The following STK36 variants were observed in gnomAD, a reference collection of about 807,000 sequenced individuals.
STK36 encodes serine/threonine kinase 36.
A neutral mutation model predicts 142.2 loss-of-function variants in STK36; 116 were observed. The ratio of observed to expected loss-of-function variants is 0.82; its 90% confidence interval spans 0.70 to 0.95. The LOEUF is 0.95. STK36 is among the 40% of genes least tolerant of loss of function. The probability of loss-of-function intolerance (pLI) is 0.00; values close to 1 mark genes in which losing one functional copy is unlikely to be tolerated. For synonymous variants in STK36, 619 were observed against 641.7 expected (o/e 0.96, Z 0.53); for missense variants, 1,422 against 1,617.2 (o/e 0.88, Z 2.07).
chr2:218,675,605 A>T, intron 5 of STK36, 132 bp downstream of exon 5: 2 of 1,108,188 alleles, frequency 1.8e-6, no homozygotes, highest in Admixed American at 2.8e-5. Context: ...ACTCACCACA[A>T]CCTCTGCCTC....
chr2:218,690,322 G>A (rs1473704638), intron 13 of STK36, 128 bp from the exon 14 acceptor site: 17 of 772,674 alleles, frequency 2.2e-5, no homozygotes, highest in Non-Finnish European at 3.4e-5. Flanking sequence ...TGTGGCAAGG[G>A]AGAAGGGAGG....
intron 9 of STK36, 105 bp downstream of exon 9, chr2:218,680,185 A>G: frequency 1.9e-6 from 2 of 1,065,848 alleles, no homozygotes. Context: ...CACTGCCTAA[A>G]CATGGATAGA....
Position 218,688,765 on chromosome 2 carries a change from C to T in STK36, c.1449C>T (p.Leu483=). ...LPAFRVLSSL[L]SSCSDSVALY... ...CATTCCGGGTCCTGAGCAGTCTTCT[C>T]TCCAGCTGCAGTGATTCTGTTGCCT... The change falls in exon 12 of 27, where the codon CTC becomes CTT. Residue 483 remains leucine (L), a synonymous_variant. Transcript: ENST00000295709. The T allele has an allele frequency of 2.5e-6, 4 of 1,614,216 alleles. No individual in the cohort carries two copies. In the South Asian group the frequency reaches 4.4e-5, roughly 18 times the overall value.
In STK36 at chr2:218,672,776, T is replaced by C. The variant is rs1172549039; in HGVS notation, c.-54T>C. On this transcript the variant is annotated 5_prime_UTR_variant, in exon 2 of 27. Transcript: ENST00000295709. Reference sequence around the variant, plus strand: ...TGTTGTGGAACTGTCCCTGGATCTATAGCTCTTCACCGTCTCTACTTTCTT... The same window carrying C: ...TGTTGTGGAACTGTCCCTGGATCTACAGCTCTTCACCGTCTCTACTTTCTT... The C allele has an allele frequency of 1.9e-6, 3 of 1,576,656 alleles. No individual in the cohort carries two copies. In the East Asian group the frequency reaches 6.7e-5, roughly 35 times the overall value.
At chr2:218,684,973 G>T in intron 10 of STK36, 112 bp from the exon 11 acceptor site, 2 of 1,379,944 alleles carry the variant, frequency 1.4e-6, no homozygotes, top group Non-Finnish European at 1.0e-6. Flanking sequence ...TGCTAAAGGG[G>T]TCACTGGCTC....
intron 21 of STK36, 36 bp from the exon 22 acceptor site, chr2:218,696,491 T>G (rs777566819): frequency 7.5e-6 from 12 of 1,600,044 alleles, no homozygotes; most frequent in Non-Finnish European, 8.6e-6. Flanking sequence ...CCCATTCCTC[T>G]TAGGCACCTG....
rs1418515783 is a variant in STK36, at chr2:218,676,288, A to T, written c.684+10A>T. The T allele has an allele frequency of 6.2e-7, 1 of 1,613,318 alleles. No individual in the cohort carries two copies. Among genetic ancestry groups the T allele is most frequent in the African/African-American group, 1.3e-5 (1 of 74,880 alleles). On this transcript the variant is annotated intron_variant, in intron 6 of 26. Transcript: ENST00000295709. ...CAGTCCCTGCTTTAAGGTAATGAAT[A>T]TTGAAAGGGAGATGACTTTTACATT...
At chr2:218,681,022 T>C (rs1940494053) in intron 10 of STK36, among the ~76,000 whole-genome samples, 1 of 152,240 alleles carries the variant, frequency 6.6e-6, no homozygotes, top group Non-Finnish European at 1.5e-5. Context: ...TATAGTTTGC[T>C]GTTTTTACAT....
chr2:218,688,003 C>T (rs1386720635), intron 11 of STK36, among the ~76,000 whole-genome samples: 1 of 151,978 alleles, frequency 6.6e-6, no homozygotes, highest in Non-Finnish European at 1.5e-5. Context: ...ACTAAAAATA[C>T]AAAAATTAGC....
In STK36 at chr2:218,701,962, C is replaced by T. The variant is rs1230533640; in HGVS notation, c.3901C>T (p.His1301Tyr). The T allele has an allele frequency of 1.9e-6, 3 of 1,614,170 alleles. No homozygotes were observed. In the African/African-American group the frequency reaches 4.0e-5, roughly 22 times the overall value. The part of the protein sequence containing the change: ...HSSPRPASAK[H>Y]CRKLIHLLRP... Reference sequence around the variant, plus strand: ...CAGTCCTAGGCCTGCCTCTGCCAAACACTGCAGGAAACTCATTCACCTCCT... The same window carrying T: ...CAGTCCTAGGCCTGCCTCTGCCAAATACTGCAGGAAACTCATTCACCTCCT... The change falls in exon 27 of 27, where the codon CAC becomes TAC. Residue 1301 changes from histidine (H) to tyrosine (Y), a missense_variant. Physicochemically the swap from His to Tyr is moderately conservative, Grantham distance 83. Transcript: ENST00000295709.
In STK36 at chr2:218,679,953, G is replaced by A. The variant is rs748769545; in HGVS notation, c.1009G>A (p.Gly337Ser). 1 of 1,614,206 alleles carries A rather than the reference G, an allele frequency of 6.2e-7. No individual in the cohort carries two copies. The change falls in exon 9 of 27, where the codon GGC (glycine) becomes AGC (serine). Residue 337 changes from glycine to serine, a missense_variant. Physicochemically the swap from Gly to Ser is moderately conservative, Grantham distance 56. Coordinates refer to ENST00000295709, the MANE Select transcript of STK36 (RefSeq NM_015690.5). ...QEDKTSKVAP[G>S]TAPLPRLGAT... ...GGACAAGACCAGCAAGGTGGCTCCT[G>A]GCACAGCCCCTCTGCCCAGACTCGG... is the stretch of plus-strand genomic sequence containing the variant.
At position 218,684,965 on chromosome 2, in the gene STK36, C is replaced by T. The variant is rs1046530170; in HGVS notation, c.1237-120C>T. 4 of 1,291,822 alleles carry T rather than the reference C, an allele frequency of 3.1e-6. No homozygotes were observed. The African/African-American group carries it at 5.9e-5, about 19-fold the overall frequency. 80.0% of individuals were successfully genotyped at this position (1,291,822 alleles called of 1,614,324 possible). On this transcript the variant is annotated intron_variant, in intron 10 of 26. Coordinates refer to ENST00000295709, the MANE Select transcript of STK36 (RefSeq NM_015690.5). ...AGGTGACTGAAGATATACATCTGTG[C>T]TAAAGGGGTCACTGGCTCCTTGCAG...
At chr2:218,701,171 C>T (rs1227253862) in intron 26 of STK36, among the ~76,000 whole-genome samples, 1 of 143,072 alleles carries the variant, frequency 7.0e-6, no homozygotes, top group Non-Finnish European at 1.5e-5. Flanking sequence ...CTCACTTTGT[C>T]GCCCCCAGGC....
In STK36 at chr2:218,695,620, G is replaced by A. The variant is rs371980200; in HGVS notation, c.2512-907G>A. ...ACGATCTTGGCTCACTACAACCTCC[G>A]CCTCCCAGGTTCAAGTGATTCTCCT... On this transcript the variant is annotated intron_variant, in intron 21 of 26. Coordinates refer to ENST00000295709, the MANE Select transcript of STK36 (RefSeq NM_015690.5). Among the ~76,000 whole-genome samples the A allele has an allele frequency of 2.4e-4, 30 of 126,526 alleles. No homozygotes were observed. In the East Asian group the frequency reaches 4.0e-3, roughly 17 times the overall value. 83.0% of individuals were successfully genotyped at this position (126,526 alleles called of 152,430 possible).
At chr2:218,696,989 G>T in intron 22 of STK36, 50 bp from the exon 23 acceptor site, 1 of 1,607,872 alleles carries the variant, frequency 6.2e-7, no homozygotes. Flanking sequence ...AAAGCATTTG[G>T]ATTCCTGACT....
intron 22 of STK36, 125 bp from the exon 23 acceptor site, chr2:218,696,914 T>C: frequency 3.0e-6 from 4 of 1,346,154 alleles, no homozygotes; most frequent in African/African-American, 1.4e-5. Context: ...AAATACTAGG[T>C]GGGAAAGCGG....
At chr2:218,679,137 AT>A (rs780905962) in intron 6 of STK36, 30 bp from the exon 7 acceptor site, 2 of 1,603,576 alleles carry the variant, frequency 1.2e-6, no homozygotes, top group South Asian at 2.2e-5. Context: ...AAGGGAAAGA[AT>A]GACTGATGGA....
intron 11 of STK36, 81 bp from the exon 12 acceptor site, chr2:218,688,616 T>C: frequency 1.4e-6 from 2 of 1,479,430 alleles, no homozygotes; most frequent in South Asian, 2.6e-5. Flanking sequence ...CCCAGCTCCT[T>C]GGGGATGCTT....
At chr2:218,700,383 ATTATTTAT>A (rs896654091) in intron 26 of STK36, among the ~76,000 whole-genome samples, 55 of 151,420 alleles carry the variant, frequency 3.6e-4, no homozygotes, top group African/African-American at 1.1e-3. Flanking sequence ...TTGTATTTTT[ATTATTTAT>A]TTATTTATTT....
Sources: gnomAD v4.1 joint callset for allele counts (sites outside exome capture counted in the v4.1 genomes callset) on GRCh38, gnomAD v4.1.1 for gene constraint, MANE v1.5 for transcripts, NCBI Gene and HGNC (gene_info 2026-07-23, HGNC 2026-07-21) for gene names.